MCM5: variants seen among roughly 807,000 people sequenced by gnomAD.
The protein encoded by MCM5 is DNA replication licensing factor MCM5.
MCM5 carries 46 observed loss-of-function variants against 79.9 expected under a neutral mutation model. That is an observed-to-expected ratio of 0.58 (90% CI 0.45 to 0.74). MCM5 has a LOEUF of 0.74. Ranked by LOEUF, MCM5 falls within the 30% of genes least tolerant of loss-of-function variation. The pLI, the probability that MCM5 is intolerant of heterozygous loss-of-function variation, is 0.00. For synonymous variants in MCM5, 404 were observed against 390.5 expected, an observed-to-expected ratio of 1.03 and a Z score of -0.41; for missense variants, 883 against 1,017.0, an observed-to-expected ratio of 0.87 and a Z score of 1.79.
chr22:35,414,772 A>G (rs1475642697), intron 9 of MCM5, among the ~76,000 whole-genome samples: 1 of 152,230 alleles, frequency 6.6e-6, no homozygotes, highest in Non-Finnish European at 1.5e-5. Flanking sequence ...ACTCAGGTAC[A>G]GAATGGGTAA....
chr22:35,416,929 G>C, intron 12 of MCM5, 115 bp downstream of exon 12: 1 of 1,246,808 alleles, frequency 8.0e-7, no homozygotes. Flanking sequence ...TGACTGTCAG[G>C]CTGTGAAATT....
At chr22:35,401,406 C>T (rs1455314108) in intron 2 of MCM5, 1 of 471,220 alleles carries the variant, frequency 2.1e-6, no homozygotes, top group Non-Finnish European at 4.4e-6. Flanking sequence ...CTGCTGCCTG[C>T]CAGATACTGT....
At chr22:35,448,129 G>A in the MCM5 span, among the ~76,000 whole-genome samples, 1 of 152,198 alleles carries the variant, frequency 6.6e-6, no homozygotes, top group African/African-American at 2.4e-5. Context: ...CAAGGGCTTG[G>A]GGGAGGAGTC....
chr22:35,442,794 G>C, the MCM5 span, among the ~76,000 whole-genome samples: 1 of 152,234 alleles, frequency 6.6e-6, no homozygotes, highest in African/African-American at 2.4e-5. Context: ...CGTGTTCACA[G>C]GTTTCAGGGA....
intron 4 of MCM5, among the ~76,000 whole-genome samples, chr22:35,404,132 C>T (rs775302170): frequency 6.6e-6 from 1 of 151,968 alleles, no homozygotes; most frequent in Non-Finnish European, 1.5e-5. Context: ...AAATAAATTA[C>T]AGACATGACA....
chr22:35,415,216 GAAAA>G (rs1932507469), intron 9 of MCM5, among the ~76,000 whole-genome samples: 1 of 151,692 alleles, frequency 6.6e-6, no homozygotes. Context: ...GAAGGGGAAA[GAAAA>G]AAGGAAAAAC....
the MCM5 span, among the ~76,000 whole-genome samples, chr22:35,454,496 G>T: frequency 6.2e-5 from 1 of 16,220 alleles, no homozygotes; most frequent in African/African-American, 2.8e-4. Flanking sequence ...GGTCTTCATC[G>T]GCAAGAGGTT....
At chr22:35,438,856 T>TATCCATCCATCCATCCATCCATCC in the MCM5 span, among the ~76,000 whole-genome samples, 1 of 109,492 alleles carries the variant, frequency 9.1e-6, no homozygotes, top group Non-Finnish European at 1.8e-5. Context: ...TCCACCCACA[T>TATCCATCCATCCATCCATCCATCC]ATCCATCCAT....
intron 9 of MCM5, among the ~76,000 whole-genome samples, chr22:35,414,259 G>T (rs990465318): frequency 6.6e-6 from 1 of 152,164 alleles, no homozygotes; most frequent in Non-Finnish European, 1.5e-5. Flanking sequence ...TGGGCTTTGA[G>T]TAAGTCACCC....
In MCM5 at chr22:35,419,969, G is replaced by A. The variant is rs1028271579; in HGVS notation, c.1789G>A (p.Glu597Lys). Residue 597 changes from glutamate (E) to lysine (K), a missense_variant, in exon 14 of 17, where the codon GAG becomes AAG. Physicochemically the swap from Glu to Lys is moderately conservative, Grantham distance 56 (BLOSUM62 1). Around this residue, in one of 3 missense-constraint regions of MCM5, gnomAD observed 426 missense variants for 482.3 expected, o/e 0.88. Transcript: ENST00000216122. ...IIMRSGARQH[E>K]RDSDRRSSIP... ...CATGCGGAGCGGGGCCCGTCAGCAC[G>A]AGAGGGACAGTGACCGCCGCTCCAG... is the stretch of plus-strand genomic sequence containing the variant. 7 of 1,612,692 alleles carry A rather than the reference G, an allele frequency of 4.3e-6. No individual in the cohort carries two copies. Among genetic ancestry groups the A allele is most frequent in the South Asian group, 1.1e-5 (1 of 90,846 alleles).
the MCM5 span, among the ~76,000 whole-genome samples, chr22:35,440,451 C>T: frequency 6.6e-6 from 1 of 152,190 alleles, no homozygotes; most frequent in Non-Finnish European, 1.5e-5. Context: ...TATGTGACCC[C>T]TGAACTGCCT....
At chr22:35,448,780 C>T in the MCM5 span, among the ~76,000 whole-genome samples, 6 of 152,232 alleles carry the variant, frequency 3.9e-5, no homozygotes, top group African/African-American at 1.4e-4. Context: ...TGAAGGCTGT[C>T]TGTTGAGTGG....
intron 12 of MCM5, among the ~76,000 whole-genome samples, chr22:35,417,337 T>G (rs779308784): frequency 6.6e-6 from 1 of 152,200 alleles, no homozygotes; most frequent in African/African-American, 2.4e-5. Flanking sequence ...TGTTAGCTTG[T>G]AGCTTAACAG....
chr22:35,402,989 G>A (rs1195735570), intron 2 of MCM5, among the ~76,000 whole-genome samples: 1 of 152,226 alleles, frequency 6.6e-6, no homozygotes, highest in African/African-American at 2.4e-5. Context: ...CCCCTTCCAT[G>A]GAGCTTTCTT....
the MCM5 span, among the ~76,000 whole-genome samples, chr22:35,448,316 A>G: frequency 3.9e-5 from 6 of 152,004 alleles, no homozygotes; most frequent in East Asian, 1.9e-4. Context: ...GTCTCTGCTC[A>G]TTCTGGGGTC....
At chr22:35,426,771 A>G (rs12165592), downstream of MCM5, among the ~76,000 whole-genome samples, 73,585 of 151,882 alleles carry the variant, frequency 0.48, 20,081 homozygotes, top group Middle Eastern at 0.61. Context: ...AGCCTCTGCC[A>G]TCTCGGATTT....
intron 2 of MCM5, 40 bp from the exon 3 acceptor site, chr22:35,403,167 T>G: frequency 6.2e-7 from 1 of 1,609,320 alleles, no homozygotes. Flanking sequence ...TCCTCTTCTT[T>G]GCACCCTTCC....
At chr22:35,401,680 C>G (rs944701469) in intron 2 of MCM5, 2 of 471,024 alleles carry the variant, frequency 4.2e-6, no homozygotes, top group South Asian at 3.1e-5. Context: ...TGATATTGCC[C>G]ACCTGTGTGC....
chr22:35,443,823 G>A, the MCM5 span, among the ~76,000 whole-genome samples: 4 of 152,226 alleles, frequency 2.6e-5, no homozygotes, highest in South Asian at 8.3e-4. Flanking sequence ...CTTCAGGATG[G>A]TGCCCCTTGA....
Sources: allele counts gnomAD v4.1 joint callset (sites outside exome capture counted in the v4.1 genomes callset), GRCh38; gene constraint gnomAD v4.1.1; regional missense constraint gnomAD v4.1.1; transcripts MANE v1.5; gene names NCBI Gene and HGNC (gene_info 2026-07-23, HGNC 2026-07-21).